Variants in ARB2A observed in about 807,000 individuals in gnomAD.
ARB2A encodes ARB2 cotranscriptional regulator A, also known as cotranscriptional regulator ARB2A.
the ARB2A span, among the ~76,000 whole-genome samples, chr5:94,012,087 A>G: frequency 6.6e-6 from 1 of 152,200 alleles, no homozygotes; most frequent in East Asian, 1.9e-4. Flanking sequence ...AATATTGCTA[A>G]GTGGGAAAAA....
the ARB2A span, among the ~76,000 whole-genome samples, chr5:93,662,935 G>A: frequency 1.3e-5 from 2 of 152,198 alleles, no homozygotes; most frequent in Admixed American, 6.5e-5. Flanking sequence ...GTTGTCTGAC[G>A]AGGGCTGTGT....
chr5:94,104,435 A>G, the ARB2A span, among the ~76,000 whole-genome samples: 28 of 151,976 alleles, frequency 1.8e-4, no homozygotes, highest in African/African-American at 6.8e-4. Context: ...CTCAAAACAT[A>G]CAACCTCCCA....
chr5:93,692,261 T>C, the ARB2A span, among the ~76,000 whole-genome samples: 3 of 152,174 alleles, frequency 2.0e-5, no homozygotes. Flanking sequence ...GACCCATTAG[T>C]GGGCTGTATT....
chr5:93,862,123 T>A, the ARB2A span: 5 of 152,264 alleles, frequency 3.3e-5, no homozygotes, highest in African/African-American at 1.2e-4. Flanking sequence ...CATAGTGAAA[T>A]ATATTCAATG....
the ARB2A span, among the ~76,000 whole-genome samples, chr5:93,850,204 G>T: frequency 6.6e-6 from 1 of 152,124 alleles, no homozygotes; most frequent in Non-Finnish European, 1.5e-5. Flanking sequence ...GTCCAAGAAA[G>T]TCTTTCTAGT....
chr5:94,085,200 G>A, the ARB2A span, among the ~76,000 whole-genome samples: 6 of 152,144 alleles, frequency 3.9e-5, no homozygotes, highest in Non-Finnish European at 5.9e-5. Context: ...AAATGTTCAC[G>A]AAATGTTTCC....
the ARB2A span, among the ~76,000 whole-genome samples, chr5:93,954,360 T>G: frequency 6.6e-6 from 1 of 151,830 alleles, no homozygotes; most frequent in Non-Finnish European, 1.5e-5. Flanking sequence ...GACTGGGTCC[T>G]TCCCTCCAAG....
At chr5:93,764,600 G>A in the ARB2A span, among the ~76,000 whole-genome samples, 6 of 152,160 alleles carry the variant, frequency 3.9e-5, no homozygotes, top group African/African-American at 9.6e-5. Context: ...ATTCACAGCC[G>A]AACTCTACAA....
chr5:93,975,399 G>A, the ARB2A span, among the ~76,000 whole-genome samples: 17 of 146,076 alleles, frequency 1.2e-4, no homozygotes, highest in African/African-American at 4.0e-4. Flanking sequence ...AGAAAAACAA[G>A]AACAAATTAA....
the ARB2A span, among the ~76,000 whole-genome samples, chr5:93,995,852 T>C: frequency 6.6e-6 from 1 of 152,212 alleles, no homozygotes; most frequent in African/African-American, 2.4e-5. Flanking sequence ...TTCATAGCCC[T>C]GTCCCAAATC....
the ARB2A span, among the ~76,000 whole-genome samples, chr5:94,061,381 T>C: frequency 6.6e-6 from 1 of 152,182 alleles, no homozygotes; most frequent in African/African-American, 2.4e-5. Flanking sequence ...GACAATCCTT[T>C]TCCCTCAAGG....
At chr5:93,884,759 C>A in the ARB2A span, among the ~76,000 whole-genome samples, 1 of 151,492 alleles carries the variant, frequency 6.6e-6, no homozygotes, top group Non-Finnish European at 1.5e-5. Context: ...TGTAAAAAAA[C>A]TAACATTTAA....
the ARB2A span, among the ~76,000 whole-genome samples, chr5:93,622,953 AG>A: frequency 6.6e-6 from 1 of 152,352 alleles, no homozygotes; most frequent in South Asian, 2.1e-4. Context: ...ACAATCTTAA[AG>A]GATTCTTTTG....
chr5:94,004,998 C>CAAAAAAAAAAAAAAA, the ARB2A span, among the ~76,000 whole-genome samples: 31 of 12,528 alleles, frequency 2.5e-3, 3 homozygotes, highest in Non-Finnish European at 4.7e-3. Context: ...ATTTTATCAG[C>CAAAAAAAAAAAAAAA]AAAAAAAAAA....
chr5:93,827,604 G>C, the ARB2A span, among the ~76,000 whole-genome samples: 6 of 151,968 alleles, frequency 3.9e-5, no homozygotes, highest in Non-Finnish European at 8.8e-5. Context: ...AGTTTCATTA[G>C]ATCCCATTTG....
At chr5:93,622,162 T>C in the ARB2A span, among the ~76,000 whole-genome samples, 1 of 152,230 alleles carries the variant, frequency 6.6e-6, no homozygotes, top group African/African-American at 2.4e-5. Context: ...AGTGGCTTCA[T>C]AAATGAGCAC....
chr5:93,971,202 G>T, the ARB2A span, among the ~76,000 whole-genome samples: 1 of 151,982 alleles, frequency 6.6e-6, no homozygotes, highest in East Asian at 1.9e-4. Flanking sequence ...ATTTCACCCT[G>T]TTAGCCAGGA....
At chr5:93,903,890 A>C in the ARB2A span, among the ~76,000 whole-genome samples, 1 of 151,992 alleles carries the variant, frequency 6.6e-6, no homozygotes, top group African/African-American at 2.4e-5. Context: ...AAAAAGTGAG[A>C]ATAAAAAATA....
the ARB2A span, among the ~76,000 whole-genome samples, chr5:93,659,803 A>G: frequency 6.6e-6 from 1 of 152,256 alleles, no homozygotes; most frequent in Non-Finnish European, 1.5e-5. Context: ...TTCTTTAAAT[A>G]CATTATAAAC....
Sources: gnomAD v4.1 joint callset for allele counts (sites outside exome capture counted in the v4.1 genomes callset) on GRCh38, gnomAD v4.1.1 for gene constraint, MANE v1.5 for transcripts, NCBI Gene and HGNC (gene_info 2026-07-23, HGNC 2026-07-21) for gene names.